ANKRD18B: variants seen among roughly 807,000 people sequenced by gnomAD.
ANKRD18B encodes the protein ankyrin repeat domain 18B.
ANKRD18B carries 75 observed loss-of-function variants against 111.8 expected under a neutral mutation model. That is an observed-to-expected ratio of 0.67 (90% CI 0.56 to 0.81). The LOEUF is 0.81. ANKRD18B is among the 40% of genes least tolerant of loss of function. ANKRD18B has a pLI of 0.00. For synonymous variants in ANKRD18B, 356 were observed against 417.3 expected (o/e 0.85, Z 1.79); for missense variants, 1,038 against 1,225.5 (o/e 0.85, Z 2.28).
intron 3 of ANKRD18B, among the ~76,000 whole-genome samples, chr9:33,530,036 G>C (rs145027650): frequency 7.2e-5 from 11 of 152,224 alleles, no homozygotes; most frequent in Admixed American, 2.6e-4. Flanking sequence ...GAGTTTACTT[G>C]TCCCTGTTAT....
At chr9:33,546,444 T>C (rs10971557) in intron 10 of ANKRD18B, among the ~76,000 whole-genome samples, 6,120 of 152,248 alleles carry the variant, frequency 0.04, 137 homozygotes, top group East Asian at 0.055. Context: ...TGGTAGGTTT[T>C]GACATGTATG....
chr9:33,528,697 A>G (rs1353589742), intron 1 of ANKRD18B, 30 bp from the exon 2 acceptor site: 3 of 1,538,952 alleles, frequency 1.9e-6, no homozygotes, highest in South Asian at 1.2e-5. Context: ...ATTGCACTAC[A>G]TTTCCTGAAA....
intron 5 of ANKRD18B, 29 bp downstream of exon 5, chr9:33,534,536 A>G (rs1331141415): frequency 6.7e-7 from 1 of 1,492,434 alleles, no homozygotes; most frequent in Admixed American, 2.6e-5. Context: ...AGACCGGTTA[A>G]TACTAAATTA....
chr9:33,542,826 A>T (rs546309813), intron 9 of ANKRD18B, among the ~76,000 whole-genome samples: 1 of 152,238 alleles, frequency 6.6e-6, no homozygotes, highest in Non-Finnish European at 1.5e-5. Context: ...ATGTTGTTAA[A>T]AAGATACTGT....
chr9:33,548,325 C>G lies in ANKRD18B; in HGVS notation c.1537C>G (p.Leu513Val). 6.5e-7 allele frequency: 1 copy of G among 1,549,736 alleles called. No homozygotes were observed. The highest frequency in any genetic ancestry group is 1.4e-5 in the African/African-American group (1 of 72,942). ...CAATGAAATTTTGGAAAGAAAAGAC[C>G]TAGAACTAGTTTTATGGAGAGCAGA... is the stretch of plus-strand genomic sequence containing the variant. ...EYNEILERKD[L>V]ELVLWRADDV... The change falls in exon 11 of 19, where the codon CTA becomes GTA. Residue 513 changes from leucine (L) to valine (V), a missense_variant. Transcript: ENST00000684830.
At chr9:33,552,986 G>C (rs1208145363) in intron 12 of ANKRD18B, among the ~76,000 whole-genome samples, 1 of 151,830 alleles carries the variant, frequency 6.6e-6, no homozygotes, top group African/African-American at 2.4e-5. Flanking sequence ...TTTGCTCAAG[G>C]TCGCACAGCT....
chr9:33,565,843 A>C (rs1319022803), intron 14 of ANKRD18B, among the ~76,000 whole-genome samples: 1 of 152,188 alleles, frequency 6.6e-6, no homozygotes, highest in Non-Finnish European at 1.5e-5. Flanking sequence ...ATAACTCAAT[A>C]TGATATCTCT....
Position 33,539,454 on chromosome 9 carries a change from G to T in ANKRD18B, c.814G>T (p.Ala272Ser), listed in dbSNP as rs1828248165. 1 of 164,544 alleles carries T rather than the reference G, an allele frequency of 6.1e-6. No homozygotes were observed. The highest frequency in any genetic ancestry group is 2.4e-5 in the African/African-American group (1 of 41,430). 10.2% of individuals were successfully genotyped at this position (164,544 alleles called of 1,614,324 possible). Residue 272 changes from alanine to serine, a missense_variant, in exon 7 of 19, where the codon GCA becomes TCA. Around this residue, in one of 4 missense-constraint regions of ANKRD18B, gnomAD observed 93 missense variants for 141.3 expected, o/e 0.66. Transcript: ENST00000684830. The stretch of plus-strand genomic sequence containing the variant: ...CAAGCTTGCATGTTTGACAGAAGCA[G>T]CAGCCATGAAGAATGAAAGTTTTAA... ...NHLRNDNQEA[A>S]AMKNESFKTQ...
intron 10 of ANKRD18B, among the ~76,000 whole-genome samples, chr9:33,547,012 C>G (rs867509381): frequency 2.6e-4 from 40 of 151,870 alleles, no homozygotes; most frequent in African/African-American, 8.9e-4. Context: ...ATCCCAGGAA[C>G]CAAATGAAAA....
At position 33,550,528 on chromosome 9, in the gene ANKRD18B, T is replaced by C; in HGVS notation, c.2166T>C (p.Asn722=). The C allele has an allele frequency of 1.2e-5, 18 of 1,545,834 alleles. No homozygotes were observed. Among genetic ancestry groups the C allele is most frequent in the Admixed American group, 2.0e-5 (1 of 50,154 alleles). Residue 722 remains asparagine, a synonymous_variant, in exon 12 of 19, where the codon AAT becomes AAC. Transcript: ENST00000684830. ...AAGGTACATCACATTGTCATATTAA[T>C]TTGGATGAGACATGGACTTCAAAGA... ...PLEGTSHCHI[N]LDETWTSKKK...
chr9:33,573,269 C>A (rs1352045480), downstream of ANKRD18B: 6 of 985,204 alleles, frequency 6.1e-6, no homozygotes, highest in African/African-American at 1.7e-5. Context: ...ACAGAAGAAC[C>A]ACTGTCGCAT....
chr9:33,545,296 G>T (rs1328073611), intron 10 of ANKRD18B, among the ~76,000 whole-genome samples: 2 of 152,108 alleles, frequency 1.3e-5, no homozygotes, highest in Non-Finnish European at 2.9e-5. Context: ...AATGAAAAAA[G>T]ACCAAGAGTT....
At position 33,567,175 on chromosome 9, in the gene ANKRD18B, C is replaced by T; in HGVS notation, c.2815C>T (p.Leu939Phe). 4 of 1,549,316 alleles carry T rather than the reference C, an allele frequency of 2.6e-6. No homozygotes were observed. The highest frequency in any genetic ancestry group is 1.7e-4 in the Middle Eastern group (1 of 5,828). ...TACGGCTTCACTAAAAAAGAAGGAACTCACACTTAAAGATGTGGAATGTAA... is the reference window on the plus strand; with the variant it reads ...TACGGCTTCACTAAAAAAGAAGGAATTCACACTTAAAGATGTGGAATGTAA... ...DNTASLKKKE[L>F]TLKDVECKFS... The change falls in exon 16 of 19, where the codon CTC becomes TTC. Residue 939 changes from leucine to phenylalanine, a missense_variant. By Grantham distance (22) the Leu-to-Phe change is conservative. Coordinates refer to ENST00000684830, the MANE Select transcript of ANKRD18B (RefSeq NM_001393611.1).
chr9:33,573,093 C>G (rs1478989286), downstream of ANKRD18B: 1 of 1,086,408 alleles, frequency 9.2e-7, no homozygotes, highest in African/African-American at 1.6e-5. Context: ...TGATTTGTCC[C>G]CATTACTCTG....
Position 33,524,285 on chromosome 9 carries a change from G to T in ANKRD18B, c.-205G>T. 1 of 1,271,380 alleles carries T rather than the reference G, an allele frequency of 7.9e-7. No individual in the cohort carries two copies. The highest frequency in any genetic ancestry group is 1.0e-6 in the Non-Finnish European group (1 of 988,994). 78.8% of individuals were successfully genotyped at this position (1,271,380 alleles called of 1,614,324 possible). A position where few individuals can be genotyped will look rare whatever the true frequency, so the allele number is the denominator to read the frequency against. ...ACTCTATCGAGAGGTCGGAGGCTGC[G>T]AGTGTCGCTGCTGAAGGCTGTAGTG... On this transcript the variant is annotated 5_prime_UTR_variant, in exon 1 of 19. Coordinates refer to ENST00000684830, the MANE Select transcript of ANKRD18B (RefSeq NM_001393611.1).
At chr9:33,552,631 A>T (rs1828463120) in intron 12 of ANKRD18B, among the ~76,000 whole-genome samples, 1 of 152,082 alleles carries the variant, frequency 6.6e-6, no homozygotes, top group Non-Finnish European at 1.5e-5. Flanking sequence ...GCTATAAATT[A>T]TACACTCCCC....
chr9:33,528,279 C>T (rs757664108), intron 1 of ANKRD18B, among the ~76,000 whole-genome samples: 21 of 152,222 alleles, frequency 1.4e-4, no homozygotes, highest in Non-Finnish European at 2.8e-4. Context: ...CCAGCCTGGG[C>T]AAGAGAGCAA....
rs1012840314 is a variant in ANKRD18B, at chr9:33,555,727, A to G, written c.2237A>G (p.Glu746Gly). ...VEIQPEEKHE[E>G]FRKVFELISL... ...TTCAAGCCTGAAGAAAAACATGAAG[A>G]ATTCAGAAAAGTTTTTGAATTAATA... The change falls in exon 13 of 19, where the codon GAA becomes GGA. Residue 746 changes from glutamate to glycine, a missense_variant. This residue lies in a region of ANKRD18B where 524 missense variants were observed against 677.9 expected (regional missense o/e 0.77). Transcript: ENST00000684830. 1.4e-6 allele frequency: 2 copies of G among 1,418,860 alleles called. No homozygotes were observed. The highest frequency in any genetic ancestry group is 5.7e-5 in the East Asian group (2 of 35,186). The allele number at this position is 1,418,860 out of a possible 1,614,324, so 87.9% of individuals were successfully genotyped here.
intron 9 of ANKRD18B, among the ~76,000 whole-genome samples, chr9:33,542,377 CTT>C (rs34380811): frequency 2.2e-5 from 3 of 137,324 alleles, no homozygotes; most frequent in Non-Finnish European, 3.1e-5. Context: ...GCCTTTTTTC[CTT>C]TTTTTTTTTT....
Sources: gnomAD v4.1 joint callset for allele counts (sites outside exome capture counted in the v4.1 genomes callset) on GRCh38, gnomAD v4.1.1 for gene constraint, gnomAD v4.1.1 regional missense constraint, MANE v1.5 for transcripts, NCBI Gene and HGNC (gene_info 2026-07-23, HGNC 2026-07-21) for gene names.